Variants in CAB39 observed in about 807,000 individuals in gnomAD.
CAB39 encodes calcium binding protein 39.
Under a neutral mutation model 40.0 loss-of-function variants are expected in CAB39, and 8 were observed. The ratio of observed to expected loss-of-function variants is 0.20; its 90% CI spans 0.12 to 0.36. The LOEUF (loss-of-function observed/expected upper bound fraction) is 0.36. CAB39 is among the 10% of genes least tolerant of loss of function. The pLI, the probability that CAB39 is intolerant of heterozygous loss-of-function variation, is 1.00. For missense variants in CAB39, 270 were observed against 401.1 expected (o/e 0.67, Z 2.79); for synonymous variants, 156 against 141.6 (o/e 1.10, Z -0.72).
In CAB39 at chr2:230,798,763, A is replaced by G. The variant is rs998158000; in HGVS notation, c.433A>G (p.Ile145Val). The G allele has an allele frequency of 1.9e-6, 3 of 1,599,986 alleles. No individual in the cohort carries two copies. Among genetic ancestry groups the G allele is most frequent in the Non-Finnish European group, 2.6e-6 (3 of 1,171,958 alleles). ...ESPEIALNCG[I>V]MLRECIRHEP... ...TCCAGAAATAGCTCTAAATTGTGGA[A>G]TAATGTTAAGAGAATGCATCAGACA... Residue 145 changes from isoleucine to valine, a missense_variant, in exon 5 of 9, where the codon ATA becomes GTA. By Grantham distance (29) the Ile-to-Val change is conservative (BLOSUM62 3). Coordinates refer to ENST00000258418, the MANE Select transcript of CAB39 (RefSeq NM_016289.4).
chr2:230,732,576 C>T (rs1316097547), intron 1 of CAB39, among the ~76,000 whole-genome samples: 1 of 152,122 alleles, frequency 6.6e-6, no homozygotes, highest in East Asian at 1.9e-4. Flanking sequence ...TGTCTAGGGT[C>T]ATGTATGTAA....
In CAB39 at chr2:230,817,862, C is replaced by T. The variant is rs778385734; in HGVS notation, c.802C>T (p.Arg268Cys). The T allele has an allele frequency of 2.5e-6, 4 of 1,612,446 alleles. No homozygotes were observed. The highest frequency in any genetic ancestry group is 1.7e-6 in the Non-Finnish European group (2 of 1,179,524). ...GATGAACCTGCTGCGAGACAAAAGT[C>T]GCAACATCCAGTTTGAGGCCTTTCA... ...LMMNLLRDKS[R>C]NIQFEAFHVF... is the part of the protein sequence containing the mutation. Residue 268 changes from arginine to cysteine, a missense_variant, in exon 8 of 9, where the codon CGC (arginine) becomes TGC (cysteine). Coordinates refer to ENST00000258418, the MANE Select transcript of CAB39 (RefSeq NM_016289.4).
intron 5 of CAB39, among the ~76,000 whole-genome samples, chr2:230,808,326 C>T (rs1696240039): frequency 1.3e-5 from 2 of 152,170 alleles, no homozygotes; most frequent in African/African-American, 4.8e-5. Flanking sequence ...AGGTGATCCA[C>T]CCACCTCGGC....
In CAB39 at chr2:230,819,059, G is replaced by A. The variant is rs1295717768; in HGVS notation, c.*355G>A. The A allele has an allele frequency of 1.8e-5, 3 of 167,666 alleles. No individual in the cohort carries two copies. The highest frequency in any genetic ancestry group is 7.2e-5 in the African/African-American group (3 of 41,684). 10.4% of individuals were successfully genotyped at this position (167,666 alleles called of 1,614,324 possible). A position where few individuals can be genotyped will look rare whatever the true frequency, so the allele number is the denominator to read the frequency against. On this transcript the variant is annotated 3_prime_UTR_variant, in exon 9 of 9. Transcript: ENST00000258418. ...GACCTATGTGTTTGCACCCATCTTT[G>A]TTGGCGATCTGAGTGCAGTGTGGCA...
chr2:230,785,485 G>T (rs1229790811), intron 2 of CAB39, among the ~76,000 whole-genome samples: 1 of 152,002 alleles, frequency 6.6e-6, no homozygotes, highest in Non-Finnish European at 1.5e-5. Flanking sequence ...AAGAAATTAG[G>T]TGAGGGGAGA....
intron 2 of CAB39, among the ~76,000 whole-genome samples, chr2:230,760,749 C>T (rs1695275087): frequency 6.6e-6 from 1 of 152,196 alleles, no homozygotes; most frequent in South Asian, 2.1e-4. Flanking sequence ...ACCCAACTTT[C>T]ATCCCACTTG....
At chr2:230,790,110 C>T (rs992741309) in intron 2 of CAB39, among the ~76,000 whole-genome samples, 2 of 152,018 alleles carry the variant, frequency 1.3e-5, no homozygotes, top group Non-Finnish European at 2.9e-5. Context: ...TGTGGGAAAC[C>T]CAGCTACCCA....
At position 230,758,114 on chromosome 2, in the gene CAB39, A is replaced by G. The variant is rs541911924; in HGVS notation, c.-43-1845A>G. On this transcript the variant is annotated intron_variant, in intron 1 of 8. Coordinates refer to ENST00000258418, the MANE Select transcript of CAB39 (RefSeq NM_016289.4). ...AGGAGTTGAGACCAGCCTAGCCAAC[A>G]TGGTGAAAACCCATCTCTACTAAAA... Among the ~76,000 whole-genome samples, 4 of 152,252 alleles carry G rather than the reference A, an allele frequency of 2.6e-5. No individual in the cohort carries two copies. In the South Asian group the frequency reaches 6.2e-4, roughly 24 times the overall value.
chr2:230,740,728 A>G (rs927596858), intron 1 of CAB39, among the ~76,000 whole-genome samples: 1 of 152,180 alleles, frequency 6.6e-6, no homozygotes, highest in Admixed American at 6.5e-5. Flanking sequence ...GACAGTAGGC[A>G]GAGCTCAGGC....
chr2:230,768,717 T>C (rs1233003024), intron 2 of CAB39, among the ~76,000 whole-genome samples: 2 of 152,124 alleles, frequency 1.3e-5, no homozygotes, highest in Admixed American at 6.5e-5. Flanking sequence ...TGGTTAATAT[T>C]AATTGACAAA....
Position 230,818,865 on chromosome 2 carries a change from G to A in CAB39, c.*161G>A, listed in dbSNP as rs780571146. On this transcript the variant is annotated 3_prime_UTR_variant, in exon 9 of 9. Transcript: ENST00000258418. The stretch of plus-strand genomic sequence containing the variant: ...TGTTTTTCAGTCCAGGTTGGAGATC[G>A]TAGCTGCTGCTGCTTGCACACTAGG... 8.2e-5 allele frequency: 48 copies of A among 581,834 alleles called. 1 individual carries two copies. The highest frequency in any genetic ancestry group is 4.5e-4 in the South Asian group (22 of 48,630). 36.0% of individuals were successfully genotyped at this position (581,834 alleles called of 1,614,324 possible). A position where few individuals can be genotyped will look rare whatever the true frequency, so the allele number is the denominator to read the frequency against.
chr2:230,732,150 T>C (rs1694703324), intron 1 of CAB39, among the ~76,000 whole-genome samples: 4 of 152,048 alleles, frequency 2.6e-5, no homozygotes, highest in Admixed American at 6.6e-5. Context: ...GGCGCTATCT[T>C]GGCTCACTGC....
intron 1 of CAB39, among the ~76,000 whole-genome samples, chr2:230,758,443 T>A (rs376446004): frequency 6.6e-6 from 1 of 152,144 alleles, no homozygotes; most frequent in East Asian, 1.9e-4. Context: ...GGTTAGAGAT[T>A]GGTTGGAACA....
At chr2:230,756,011 G>C (rs550793018) in intron 1 of CAB39, among the ~76,000 whole-genome samples, 176 of 152,280 alleles carry the variant, frequency 1.2e-3, no homozygotes, top group Middle Eastern at 3.4e-3. Context: ...CTTGATGGTG[G>C]ACCAGGCCCT....
intron 7 of CAB39, 63 bp from the exon 8 acceptor site, chr2:230,817,691 T>C: frequency 4.5e-6 from 6 of 1,330,680 alleles, no homozygotes; most frequent in Non-Finnish European, 6.2e-6. Context: ...ATAAATTGTT[T>C]TTTTAAACTT....
At chr2:230,756,165 G>A (rs1233155328) in intron 1 of CAB39, among the ~76,000 whole-genome samples, 3 of 152,162 alleles carry the variant, frequency 2.0e-5, no homozygotes, top group Non-Finnish European at 4.4e-5. Context: ...TTAACAACTG[G>A]GATGGATTCT....
intron 8 of CAB39, 73 bp downstream of exon 8, chr2:230,817,970 AT>A (rs755435351): frequency 1.4e-4 from 192 of 1,329,706 alleles, no homozygotes; most frequent in Admixed American, 2.4e-4. Context: ...AATAACGGAA[AT>A]TATTAGCCTC....
In CAB39 at chr2:230,801,818, G is replaced by A. The variant is rs139090541; in HGVS notation, c.567+2921G>A. 2.4e-3 allele frequency among the ~76,000 whole-genome samples: 368 copies of A among 151,594 alleles called. 6 individuals are homozygous for A. In the East Asian group the frequency reaches 0.034, roughly 14 times the overall value. ...TGGGAGGCAGAGGTTGCAGTGAGCC[G>A]AGATCACTCCACTGCACTCCACCCT... On this transcript the variant is annotated intron_variant, in intron 5 of 8. Transcript: ENST00000258418.
chr2:230,788,341 A>G (rs994098970), intron 2 of CAB39, among the ~76,000 whole-genome samples: 1 of 151,522 alleles, frequency 6.6e-6, no homozygotes, highest in South Asian at 2.1e-4. Flanking sequence ...TTCAGTTATT[A>G]TAAGAACCTG....
Sources: gnomAD v4.1 joint callset for allele counts (sites outside exome capture counted in the v4.1 genomes callset) on GRCh38, gnomAD v4.1.1 for gene constraint, MANE v1.5 for transcripts, NCBI Gene and HGNC (gene_info 2026-07-23, HGNC 2026-07-21) for gene names.